The following UCKL1 variants were observed in gnomAD, a reference collection of about 807,000 sequenced individuals.
UCKL1 encodes the protein uridine-cytidine kinase 1 like 1.
In UCKL1, 65 loss-of-function variants were observed where a neutral mutation model predicts 59.2. The ratio of observed to expected loss-of-function variants is 1.10; its 90% CI spans 0.90 to 1.35. The LOEUF (loss-of-function observed/expected upper bound fraction) is 1.35. Among genes scored for constraint, UCKL1 ranks in the 40% most tolerant of loss-of-function variants. UCKL1 has a pLI of 0.00. For synonymous variants in UCKL1, 410 were observed against 323.1 expected, an observed-to-expected ratio of 1.27 and a Z score of -2.88; for missense variants, 703 against 784.3, an observed-to-expected ratio of 0.90 and a Z score of 1.24.
chr20:63,939,985 G>A lies in UCKL1; in HGVS notation c.1638C>T (p.Tyr546=). The stretch of plus-strand genomic sequence containing the variant: ...ATGGCTCACTGGGCAGCTAACCCGT[G>A]TAGGCCACTTCCTCCTCGTCACTGC... The part of the protein sequence containing the change: ...PDGSDEEEVA[Y]TG Residue 546 remains tyrosine, a synonymous_variant, in exon 15 of 15, where the codon TAC becomes TAT. Transcript: ENST00000354216. 1 of 1,611,782 alleles carries A rather than the reference G, an allele frequency of 6.2e-7. No homozygotes were observed. The highest frequency in any genetic ancestry group is 8.5e-7 in the Non-Finnish European group (1 of 1,179,610).
In UCKL1 at chr20:63,941,021, C is replaced by G; in HGVS notation, c.1045G>C (p.Glu349Gln). 1 of 1,562,114 alleles carries G rather than the reference C, an allele frequency of 6.4e-7. No individual in the cohort carries two copies. Among genetic ancestry groups the G allele is most frequent in the Non-Finnish European group, 8.7e-7 (1 of 1,154,408 alleles). Residue 349 changes from glutamate (E) to glutamine (Q), a missense_variant, in exon 10 of 15, where the codon GAG becomes CAG. Physicochemically the swap from Glu to Gln is conservative, Grantham distance 29. Transcript: ENST00000354216. ...IIRDKETSRD[E>Q]FIFYSKRLMR... ...AGTCTCTTGGAGTAGAAGATGAACT[C>G]GTCGCGACTGGTCTCCTTGTCCCTG...
At chr20:63,950,050 C>G (rs1384619070) in intron 1 of UCKL1, among the ~76,000 whole-genome samples, 1 of 152,244 alleles carries the variant, frequency 6.6e-6, no homozygotes, top group Non-Finnish European at 1.5e-5. Flanking sequence ...CAGATCCCTC[C>G]TGAGGCACAC....
intron 1 of UCKL1, among the ~76,000 whole-genome samples, chr20:63,947,004 A>T (rs925080788): frequency 5.9e-5 from 9 of 151,876 alleles, no homozygotes; most frequent in African/African-American, 2.2e-4. Flanking sequence ...GAATGGCTTG[A>T]ACCCGGGAGG....
At position 63,946,654 on chromosome 20, in the gene UCKL1, G is replaced by C. The variant is rs1393232902; in HGVS notation, c.114-11C>G. 6.2e-7 allele frequency: 1 copy of C among 1,602,526 alleles called. No individual in the cohort carries two copies. Among genetic ancestry groups the C allele is most frequent in the Non-Finnish European group, 8.5e-7 (1 of 1,178,660 alleles). On this transcript the variant is annotated splice_polypyrimidine_tract_variant and intron_variant, in intron 1 of 14. Transcript: ENST00000354216. ...GACTCTGCATTGCTGCTGCAGAGAGGGATGTACTCGGATGTGGCCCAGAGC... is the reference window on the plus strand; with the variant it reads ...GACTCTGCATTGCTGCTGCAGAGAGCGATGTACTCGGATGTGGCCCAGAGC...
intron 9 of UCKL1, 24 bp from the exon 10 acceptor site, chr20:63,941,067 G>T (rs946891280): frequency 2.5e-6 from 4 of 1,599,864 alleles, no homozygotes; most frequent in Non-Finnish European, 3.4e-6. Context: ...AGTTGAGCGG[G>T]AGCACGCGCC....
intron 5 of UCKL1, among the ~76,000 whole-genome samples, chr20:63,945,391 G>A (rs564728148): frequency 3.9e-5 from 6 of 152,348 alleles, no homozygotes; most frequent in Admixed American, 3.3e-4. Flanking sequence ...GGACGAGAAC[G>A]CCAAGGACAC....
intron 8 of UCKL1, chr20:63,942,644 C>A (rs566514453): frequency 1.9e-6 from 1 of 516,260 alleles, no homozygotes; most frequent in Non-Finnish European, 3.8e-6. Flanking sequence ...AGGCCCCCAG[C>A]CCTGCCTGAC....
At chr20:63,949,536 G>A (rs1255946277) in intron 1 of UCKL1, among the ~76,000 whole-genome samples, 1 of 152,150 alleles carries the variant, frequency 6.6e-6, no homozygotes. Flanking sequence ...GGTCACCCCC[G>A]GGGCCACCCC....
At chr20:63,943,740 C>T in intron 7 of UCKL1, 71 bp from the exon 8 acceptor site, 1 of 1,607,074 alleles carries the variant, frequency 6.2e-7, no homozygotes. Context: ...GGCCAGGCCA[C>T]CCCCACCCAG....
In UCKL1 at chr20:63,949,815, G is replaced by A. The variant is rs528144758; in HGVS notation, c.114-3172C>T. Among the ~76,000 whole-genome samples, 8 of 152,358 alleles carry A rather than the reference G, an allele frequency of 5.3e-5. No homozygotes were observed. In the South Asian group the frequency reaches 1.4e-3, roughly 28 times the overall value. On this transcript the variant is annotated intron_variant, in intron 1 of 14. Transcript: ENST00000354216. Reference sequence around the variant, plus strand: ...GCGAAGCTCCCAGCACCGCCCTTGCGGCTGCCTGCACTTCCGCCATGCACC... The same window carrying A: ...GCGAAGCTCCCAGCACCGCCCTTGCAGCTGCCTGCACTTCCGCCATGCACC...
intron 8 of UCKL1, 93 bp downstream of exon 8, chr20:63,943,560 C>T: frequency 6.3e-7 from 1 of 1,586,318 alleles, no homozygotes; most frequent in Non-Finnish European, 8.6e-7. Context: ...TGGGGAAGAG[C>T]CAGCTGCCTG....
Position 63,940,389 on chromosome 20 carries a change from G to A in UCKL1, c.1399C>T (p.Arg467Cys), listed in dbSNP as rs892565902. ...STGAAAMMAVRVLLDHDVPED... is the reference protein window; with the variant it reads ...STGAAAMMAVCVLLDHDVPED... ...CAGGGCTCACTCACCAGGAGCACGC[G>A]CACTGCCATCATGGCCGCCGCGCCC... Residue 467 changes from arginine (R) to cysteine (C), a missense_variant, in exon 13 of 15, where the codon CGC becomes TGC. Arg to Cys is a radical substitution (Grantham distance 180). Coordinates refer to ENST00000354216, the MANE Select transcript of UCKL1 (RefSeq NM_017859.4). The A allele has an allele frequency of 2.5e-6, 4 of 1,611,670 alleles. No individual in the cohort carries two copies. The highest frequency in any genetic ancestry group is 2.5e-6 in the Non-Finnish European group (3 of 1,179,184).
chr20:63,947,951 G>A (rs929287676), intron 1 of UCKL1, among the ~76,000 whole-genome samples: 1 of 152,226 alleles, frequency 6.6e-6, no homozygotes, highest in Non-Finnish European at 1.5e-5. Flanking sequence ...CCCTGGGAGG[G>A]GCAGCCTCTG....
chr20:63,944,825 C>T (rs947049069), intron 5 of UCKL1, 91 bp from the exon 6 acceptor site: 78 of 1,498,548 alleles, frequency 5.2e-5, no homozygotes, highest in Admixed American at 9.6e-5. Flanking sequence ...CCGCCTGGTC[C>T]GTGGGCCTGG....
chr20:63,940,358 C>G lies in UCKL1; in HGVS notation c.1410+20G>C, dbSNP rs1481033864. ...CCCACCTCTGCCTGAACCTGCCCCGCCTACCCAGGGCTCACTCACCAGGAG... is the reference window on the plus strand; with the variant it reads ...CCCACCTCTGCCTGAACCTGCCCCGGCTACCCAGGGCTCACTCACCAGGAG... On this transcript the variant is annotated intron_variant, in intron 13 of 14. Coordinates refer to ENST00000354216, the MANE Select transcript of UCKL1 (RefSeq NM_017859.4). The G allele has an allele frequency of 6.2e-7, 1 of 1,611,660 alleles. No individual in the cohort carries two copies. Among genetic ancestry groups the G allele is most frequent in the Non-Finnish European group, 8.5e-7 (1 of 1,179,090 alleles).
At chr20:63,942,604 C>A in intron 8 of UCKL1, 2 of 697,312 alleles carry the variant, frequency 2.9e-6, no homozygotes, top group East Asian at 1.3e-4. Flanking sequence ...AGGGCGTTCC[C>A]CGCAGGCCTG....
At chr20:63,948,518 G>A (rs951563892) in intron 1 of UCKL1, 8 of 142,162 alleles carry the variant, frequency 5.6e-5, no homozygotes, top group Admixed American at 2.9e-4. Flanking sequence ...TCCAGGAAAC[G>A]AAGGACGCTC....
In UCKL1 at chr20:63,943,638, C is replaced by G. The variant is rs540218377; in HGVS notation, c.923+15G>C. 5.0e-6 allele frequency: 8 copies of G among 1,612,388 alleles called. No homozygotes were observed. The African/African-American group carries it at 1.1e-4, about 21-fold the overall frequency. On this transcript the variant is annotated intron_variant, in intron 8 of 14. Transcript: ENST00000354216. ...GAAGTGCCTCCATCTGTGCAGACAG[C>G]TGTGCAAGTCTTACCTGACGCTGAG...
rs1277622697 is a variant in UCKL1, at chr20:63,956,324, G to C, written c.49C>G (p.Pro17Ala). The C allele has an allele frequency of 1.3e-6, 2 of 1,553,890 alleles. No homozygotes were observed. Among genetic ancestry groups the C allele is most frequent in the Admixed American group, 1.9e-5 (1 of 52,074 alleles). ...RADADPSPTS[P>A]PTARDTPGRQ... ...CCTGGTGTGTCTCGGGCCGTAGGTG[G>C]CGACGTGGGCGAAGGATCAGCGTCC... Residue 17 changes from proline to alanine, a missense_variant, in exon 1 of 15, where the codon CCA (proline) becomes GCA (alanine). Pro to Ala is a conservative substitution (Grantham distance 27). Around this residue, in one of 4 missense-constraint regions of UCKL1, gnomAD observed 398 missense variants for 373.0 expected, o/e 1.07. Transcript: ENST00000354216.
Sources: gnomAD v4.1 joint callset for allele counts (sites outside exome capture counted in the v4.1 genomes callset) on GRCh38, gnomAD v4.1.1 for gene constraint, gnomAD v4.1.1 regional missense constraint, MANE v1.5 for transcripts, NCBI Gene and HGNC (gene_info 2026-07-23, HGNC 2026-07-21) for gene names.